RAB30: variants seen among roughly 807,000 people sequenced by gnomAD.
The protein encoded by RAB30 is ras-related protein Rab-30.
In RAB30, 9 loss-of-function variants were observed where a neutral mutation model predicts 25.1. That is an observed-to-expected ratio of 0.36 (90% CI 0.22 to 0.63). The LOEUF (loss-of-function observed/expected upper bound fraction) is 0.63. Among genes scored for constraint, RAB30 ranks in the 20% least tolerant of loss-of-function variants. The pLI is 0.69. For synonymous variants in RAB30, 77 were observed against 86.4 expected (o/e 0.89, Z 0.60); for missense variants, 140 against 243.5 (o/e 0.58, Z 2.83).
intron 1 of RAB30, among the ~76,000 whole-genome samples, chr11:83,028,037 A>G (rs1276738926): frequency 6.6e-6 from 1 of 152,186 alleles, no homozygotes; most frequent in Non-Finnish European, 1.5e-5. Flanking sequence ...AAAGCCTCTA[A>G]TAAAGATACA....
intron 1 of RAB30, among the ~76,000 whole-genome samples, chr11:83,000,495 G>T (rs908204825): frequency 4.6e-5 from 7 of 152,228 alleles, no homozygotes; most frequent in Non-Finnish European, 2.9e-5. Context: ...AAGGCACATG[G>T]ACAGCAGGAA....
chr11:83,014,634 AAAAGAAAGAAAGAAAG>A (rs58927757), intron 1 of RAB30, among the ~76,000 whole-genome samples: 3,580 of 112,682 alleles, frequency 0.032, 74 homozygotes, highest in East Asian at 0.055. Flanking sequence ...AGAAGTAAGA[AAAAGAAAGAAAGAAAG>A]AAAGAAAGAA....
At chr11:82,996,191 G>A (rs367802081) in intron 2 of RAB30, among the ~76,000 whole-genome samples, 4 of 152,102 alleles carry the variant, frequency 2.6e-5, no homozygotes, top group South Asian at 2.1e-4. Context: ...AGTGACTCTG[G>A]GCCCTCTAGC....
At chr11:83,034,309 C>G (rs967567674) in intron 1 of RAB30, 1 of 152,150 alleles carries the variant, frequency 6.6e-6, no homozygotes, top group African/African-American at 2.4e-5. Context: ...TTAATGAAAA[C>G]CAGAAAACCC....
In RAB30 at chr11:83,070,198, T is replaced by A. The variant is rs182908378; in HGVS notation, c.-9+1493A>T. On this transcript the variant is annotated intron_variant, in intron 1 of 4. Coordinates refer to ENST00000527633, the MANE Select transcript of RAB30 (RefSeq NM_001286060.2). ...GTAGGGTGTCCAGAAGAGCAGAGCG[T>A]CATCAACAGAGAGACGCAGAGGCAA... Among the ~76,000 whole-genome samples, 9 of 152,308 alleles carry A rather than the reference T, an allele frequency of 5.9e-5. No homozygotes were observed. In the East Asian group the frequency reaches 1.7e-3, roughly 29 times the overall value.
intron 1 of RAB30, among the ~76,000 whole-genome samples, chr11:83,040,539 C>T (rs1485012417): frequency 6.7e-6 from 1 of 148,880 alleles, no homozygotes; most frequent in African/African-American, 2.5e-5. Context: ...TGCAGTGAGC[C>T]GAGAGTGTGC....
intron 1 of RAB30, among the ~76,000 whole-genome samples, chr11:83,058,363 T>C (rs1362231002): frequency 6.6e-6 from 1 of 152,238 alleles, no homozygotes; most frequent in Non-Finnish European, 1.5e-5. Context: ...AAAATTTCTC[T>C]AATATCCAAT....
chr11:83,007,201 A>G (rs1857202755), intron 1 of RAB30, among the ~76,000 whole-genome samples: 1 of 152,218 alleles, frequency 6.6e-6, no homozygotes, highest in Non-Finnish European at 1.5e-5. Flanking sequence ...AGGACAAATA[A>G]GATCTGCACA....
At chr11:82,990,484 C>A (rs1856829031) in intron 3 of RAB30, among the ~76,000 whole-genome samples, 2 of 152,216 alleles carry the variant, frequency 1.3e-5, no homozygotes, top group African/African-American at 4.8e-5. Flanking sequence ...GGCAGGGATG[C>A]TTTACCACCA....
intron 1 of RAB30, among the ~76,000 whole-genome samples, chr11:83,004,401 A>G (rs1857144511): frequency 6.6e-6 from 1 of 152,174 alleles, no homozygotes; most frequent in African/African-American, 2.4e-5. Context: ...TTCAAAATGA[A>G]CTGGACATCC....
chr11:83,019,534 T>C (rs993051693), intron 1 of RAB30, among the ~76,000 whole-genome samples: 1 of 152,118 alleles, frequency 6.6e-6, no homozygotes, highest in Admixed American at 6.6e-5. Flanking sequence ...CTGCCCCGTC[T>C]TTCTCTCACC....
At chr11:83,063,804 T>C (rs2121521371) in intron 1 of RAB30, among the ~76,000 whole-genome samples, 1 of 152,278 alleles carries the variant, frequency 6.6e-6, no homozygotes, top group Admixed American at 6.5e-5. Flanking sequence ...CTTACAGAAA[T>C]ATTCCCACAA....
chr11:83,032,733 T>C (rs922086116), intron 1 of RAB30, among the ~76,000 whole-genome samples: 11 of 152,140 alleles, frequency 7.2e-5, no homozygotes, highest in African/African-American at 2.7e-4. Context: ...CAGTCCACCA[T>C]AGCTAGAACA....
intron 1 of RAB30, among the ~76,000 whole-genome samples, chr11:83,009,014 T>G (rs1857247406): frequency 6.6e-6 from 1 of 151,990 alleles, no homozygotes; most frequent in African/African-American, 2.4e-5. Flanking sequence ...CAATGAACCC[T>G]GAGCTCCTTA....
intron 1 of RAB30, among the ~76,000 whole-genome samples, chr11:83,043,975 T>C (rs1858184831): frequency 1.3e-5 from 2 of 152,138 alleles, no homozygotes; most frequent in Non-Finnish European, 2.9e-5. Flanking sequence ...AAAGACTCAT[T>C]AATAGTTAAG....
intron 1 of RAB30, among the ~76,000 whole-genome samples, chr11:83,001,307 C>G (rs1299982308): frequency 2.0e-5 from 3 of 152,264 alleles, no homozygotes; most frequent in African/African-American, 7.2e-5. Context: ...TCCCAAGTAG[C>G]TGGGATTACA....
intron 1 of RAB30, among the ~76,000 whole-genome samples, chr11:83,015,168 T>C (rs1857408706): frequency 6.6e-6 from 1 of 152,210 alleles, no homozygotes; most frequent in South Asian, 2.1e-4. Context: ...AAAATTTTTT[T>C]CTAGTCTCTA....
intron 1 of RAB30, among the ~76,000 whole-genome samples, chr11:83,036,652 C>G (rs190222213): frequency 6.9e-4 from 105 of 152,206 alleles, no homozygotes; most frequent in African/African-American, 2.4e-3. Context: ...GGATAGATGA[C>G]AATGCAGATA....
At chr11:83,022,893 TGA>T (rs1857613130) in intron 1 of RAB30, among the ~76,000 whole-genome samples, 1 of 152,032 alleles carries the variant, frequency 6.6e-6, no homozygotes, top group African/African-American at 2.4e-5. Flanking sequence ...CATGCTGAAA[TGA>T]GAGTTTCAGG....
Sources: allele counts gnomAD v4.1 joint callset (sites outside exome capture counted in the v4.1 genomes callset), GRCh38; gene constraint gnomAD v4.1.1; transcripts MANE v1.5; gene names NCBI Gene and HGNC (gene_info 2026-07-23, HGNC 2026-07-21).